SPINT1: variants seen among roughly 807,000 people sequenced by gnomAD.
SPINT1 encodes kunitz-type protease inhibitor 1.
Under a neutral mutation model 53.7 loss-of-function variants are expected in SPINT1, and 38 were observed. The observed-to-expected ratio is 0.71, with a 90% CI of 0.55 to 0.93. The LOEUF (loss-of-function observed/expected upper bound fraction) is 0.93. Among genes scored for constraint, SPINT1 ranks in the 40% least tolerant of loss-of-function variants. The pLI, the probability that SPINT1 is intolerant of heterozygous loss-of-function variation, is 0.00. For synonymous variants in SPINT1, 283 were observed against 280.6 expected (o/e 1.01, Z -0.08); for missense variants, 645 against 692.9 (o/e 0.93, Z 0.78).
rs769174851 is a variant in SPINT1 at position 40,844,478 on chromosome 15, CCTT to C, written c.-65-6_-65-4del. On this transcript the variant is annotated splice_polypyrimidine_tract_variant and intron_variant, in intron 1 of 10. Coordinates refer to ENST00000562057, the MANE Select transcript of SPINT1 (RefSeq NM_003710.4). This position sits in a 1 kb window ranked among gnomAD's most constrained non-coding sequence, Gnocchi z 5.8. ...GGTGTGTCTCCTCCTCTGTCCCCTC[CCTT>C]CTTCTCAGGTCACCAGCACCCTCGG... 7 of 1,419,158 alleles carry C rather than the reference CCTT, an allele frequency of 4.9e-6. No individual in the cohort carries two copies. Among genetic ancestry groups the C allele is most frequent in the African/African-American group, 1.4e-5 (1 of 70,626 alleles). The allele number at this position is 1,419,158 out of a possible 1,614,324, so 87.9% of individuals were successfully genotyped here. A position where few individuals can be genotyped will look rare whatever the true frequency, so the allele number is the denominator to read the frequency against.
chr15:40,845,346 T>C (rs1891261555), intron 2 of SPINT1, among the ~76,000 whole-genome samples: 1 of 139,050 alleles, frequency 7.2e-6, no homozygotes, highest in Non-Finnish European at 1.6e-5. Context: ...TTTTTTTTTT[T>C]TTTGGTACAG....
chr15:40,845,416 C>A (rs1891264294), intron 2 of SPINT1, among the ~76,000 whole-genome samples: 1 of 150,012 alleles, frequency 6.7e-6, no homozygotes, highest in African/African-American at 2.5e-5. Flanking sequence ...GTGATCCACC[C>A]ACCTTGGCCT....
At chr15:40,852,902 G>T (rs886728793) in intron 2 of SPINT1, among the ~76,000 whole-genome samples, 3 of 151,930 alleles carry the variant, frequency 2.0e-5, no homozygotes, top group Admixed American at 6.5e-5. Context: ...AAGAAAGTGG[G>T]TTACAACATA....
Position 40,856,151 on chromosome 15 carries a change from C to T in SPINT1, c.1288+89C>T, listed in dbSNP as rs149463227. ...GTCCCCAGGCCTTTGGGAGTCACCC[C>T]TCCATCCTCAGAGCGCCTGGAGTAG... is the stretch of plus-strand genomic sequence containing the variant. On this transcript the variant is annotated intron_variant, in intron 9 of 10. Coordinates refer to ENST00000562057, the MANE Select transcript of SPINT1 (RefSeq NM_003710.4). The T allele has an allele frequency of 1.2e-4, 188 of 1,592,932 alleles. 1 individual carries two copies. The East Asian group carries it at 4.2e-3, about 35-fold the overall frequency.
At position 40,853,612 on chromosome 15, in the gene SPINT1, A is replaced by C. The variant is rs1397366499; in HGVS notation, c.727A>C (p.Thr243Pro). 12 of 1,613,730 alleles carry C rather than the reference A, an allele frequency of 7.4e-6. No homozygotes were observed. The highest frequency in any genetic ancestry group is 1.0e-5 in the Non-Finnish European group (12 of 1,179,910). The change falls in exon 4 of 11, where the codon ACC becomes CCC. Residue 243 changes from threonine (T) to proline (P), a missense_variant. By Grantham distance (38) the Thr-to-Pro change is conservative. Coordinates refer to ENST00000562057, the MANE Select transcript of SPINT1 (RefSeq NM_003710.4). ...CAACGTCACAGTCACTGTGCTGTCC[A>C]CCAAGCAGACAGAAGGTGAGGGAGG... The part of the protein sequence containing the change: ...TANVTVTVLS[T>P]KQTEDYCLAS...
At chr15:40,855,833 G>T in intron 8 of SPINT1, 59 bp from the exon 9 acceptor site, 1 of 1,559,868 alleles carries the variant, frequency 6.4e-7, no homozygotes. Flanking sequence ...GTGGAGCCTA[G>T]CAGAAGGTGG....
At chr15:40,855,684 A>G in intron 8 of SPINT1, 1 of 497,864 alleles carries the variant, frequency 2.0e-6, no homozygotes, top group South Asian at 3.8e-5. Flanking sequence ...GAGTCGGCGT[A>G]GTTTACTTTT....
Position 40,856,770 on chromosome 15 carries a change from G to C in SPINT1, c.1337G>C (p.Gly446Ala), listed in dbSNP as rs752203791. 1 of 1,614,100 alleles carries C rather than the reference G, an allele frequency of 6.2e-7. No individual in the cohort carries two copies. Among genetic ancestry groups the C allele is most frequent in the South Asian group, 1.1e-5 (1 of 91,084 alleles). ...CTTATTCTACCCCTTCTTCCCCCAG[G>C]CTCTGTGGAGATGGCTGTCGCAGTG... Reference protein sequence around the residue: ...LRREIPIPSTGSVEMAVAVFL... With the variant: ...LRREIPIPSTASVEMAVAVFL... Residue 446 changes from glycine (G) to alanine (A), a missense_variant and splice_region_variant, in exon 11 of 11, where the codon GGC (glycine) becomes GCC (alanine). By Grantham distance (60) the Gly-to-Ala change is moderately conservative (BLOSUM62 0). Transcript: ENST00000562057.
intron 2 of SPINT1, among the ~76,000 whole-genome samples, chr15:40,849,829 G>A (rs1192430729): frequency 6.8e-6 from 1 of 147,298 alleles, no homozygotes; most frequent in East Asian, 2.0e-4. Flanking sequence ...GGTTTTGAAG[G>A]TACATCATGG....
Position 40,857,447 on chromosome 15 carries a change from G to A in SPINT1, c.*472G>A. On this transcript the variant is annotated 3_prime_UTR_variant, in exon 11 of 11. Coordinates refer to ENST00000562057, the MANE Select transcript of SPINT1 (RefSeq NM_003710.4). Reference sequence around the variant, plus strand: ...GTTTATTTAATGCTGTGGCATGGGTGAAGAGGAGGGGAAGAGGCCTGTTTG... The same window carrying A: ...GTTTATTTAATGCTGTGGCATGGGTAAAGAGGAGGGGAAGAGGCCTGTTTG... 6.4e-6 allele frequency: 1 copy of A among 157,346 alleles called. No individual in the cohort carries two copies. The allele number at this position is 157,346 out of a possible 1,614,324, so 9.7% of individuals were successfully genotyped here. A position where few individuals can be genotyped will look rare whatever the true frequency, so the allele number is the denominator to read the frequency against.
At chr15:40,848,688 T>C (rs1566853674) in intron 2 of SPINT1, among the ~76,000 whole-genome samples, 1 of 152,114 alleles carries the variant, frequency 6.6e-6, no homozygotes, top group Admixed American at 6.6e-5. Context: ...ATGAATATGA[T>C]ACAACAACAA....
In SPINT1 at chr15:40,854,645, G is replaced by A. The variant is rs758738308; in HGVS notation, c.1073G>A (p.Ser358Asn). 3 of 1,614,214 alleles carry A rather than the reference G, an allele frequency of 1.9e-6. No homozygotes were observed. The South Asian group carries it at 3.3e-5, about 18-fold the overall frequency. ...SDEAACEKYT[S>N]GFDELQRIHF... ...TGACCTTTCCTCTCTGCAGACACGA[G>A]TGGCTTTGACGAGCTCCAGCGCATC... The change falls in exon 8 of 11, where the codon AGT becomes AAT. Residue 358 changes from serine to asparagine, a missense_variant. Transcript: ENST00000562057.
intron 2 of SPINT1, among the ~76,000 whole-genome samples, chr15:40,850,270 C>T (rs1891419041): frequency 6.6e-6 from 1 of 152,128 alleles, no homozygotes; most frequent in African/African-American, 2.4e-5. Context: ...TGGAGTTTCT[C>T]CATGTTGGTC....
At chr15:40,856,451 C>T (rs1410973539) in intron 10 of SPINT1, 128 bp downstream of exon 10, 7 of 1,221,126 alleles carry the variant, frequency 5.7e-6, no homozygotes, top group Middle Eastern at 1.9e-4. Context: ...GACAGAGTAC[C>T]GTAATCAAAT....
At chr15:40,854,570 T>C (rs1174079940) in intron 7 of SPINT1, 48 bp downstream of exon 7, 1 of 1,613,826 alleles carries the variant, frequency 6.2e-7, no homozygotes, top group Admixed American at 1.7e-5. Context: ...AGGGAGGTCC[T>C]GACAGCCTTG....
rs777322435 is a variant in SPINT1, at chr15:40,854,390, C to T, written c.941-7C>T. On this transcript the variant is annotated splice_region_variant and splice_polypyrimidine_tract_variant and intron_variant, in intron 6 of 10. Coordinates refer to ENST00000562057, the MANE Select transcript of SPINT1 (RefSeq NM_003710.4). ...GCTTGAGCCTGACCTCCCTTCCACC[C>T]GTCCAGTGTGCTCTGGCACCTGTCA... 1.0e-5 allele frequency: 16 copies of T among 1,555,966 alleles called. No homozygotes were observed. Among genetic ancestry groups the T allele is most frequent in the African/African-American group, 4.1e-5 (3 of 72,802 alleles).
rs1277452231 is a variant in SPINT1 at position 40,855,958 on chromosome 15, C to T, written c.1184C>T (p.Pro395Leu). The part of the protein sequence containing the change: ...KESIPRWYYN[P>L]FSEHCARFTY... ...AGCATCCCGCGCTGGTACTACAACC[C>T]CTTCAGCGAACACTGCGCCCGCTTT... Residue 395 changes from proline to leucine, a missense_variant, in exon 9 of 11, where the codon CCC becomes CTC. Coordinates refer to ENST00000562057, the MANE Select transcript of SPINT1 (RefSeq NM_003710.4). 1 of 1,614,116 alleles carries T rather than the reference C, an allele frequency of 6.2e-7. No homozygotes were observed. The highest frequency in any genetic ancestry group is 8.5e-7 in the Non-Finnish European group (1 of 1,180,054).
chr15:40,854,061 C>A lies in SPINT1; in HGVS notation c.915C>A (p.Gly305=). 6.4e-7 allele frequency: 1 copy of A among 1,551,682 alleles called. No individual in the cohort carries two copies. The highest frequency in any genetic ancestry group is 8.7e-7 in the Non-Finnish European group (1 of 1,150,978). Residue 305 remains glycine, a splice_region_variant and synonymous_variant, in exon 6 of 11, where the codon GGC becomes GGA. Transcript: ENST00000562057. ...CTCATTCTCTGTTCTCTCTCCCAGG[C>A]CCCTCCATGGAAAGGCGCCATCCAG... ...ECILACRGVQ[G]PSMERRHPVC...
chr15:40,844,593 C>A lies in SPINT1; in HGVS notation c.39C>A (p.Ala13=), dbSNP rs773925092. The change falls in exon 2 of 11, where the codon GCC becomes GCA. Residue 13 remains alanine, a synonymous_variant. Transcript: ENST00000562057. This position sits in a 1 kb window ranked among gnomAD's most constrained non-coding sequence, Gnocchi z 5.8. ...PARTMARARL[A]PAGIPAVALW... Reference sequence around the variant, plus strand: ...GGACGATGGCCCGCGCCCGCCTCGCCCCGGCCGGCATCCCTGCCGTCGCCT... The same window carrying A: ...GGACGATGGCCCGCGCCCGCCTCGCACCGGCCGGCATCCCTGCCGTCGCCT... 3.7e-6 allele frequency: 6 copies of A among 1,609,934 alleles called. No individual in the cohort carries two copies. The South Asian group carries it at 6.6e-5, about 18-fold the overall frequency.
Sources: allele counts gnomAD v4.1 joint callset (sites outside exome capture counted in the v4.1 genomes callset), GRCh38; gene constraint gnomAD v4.1.1; non-coding constraint Gnocchi (gnomAD v3.1); transcripts MANE v1.5; gene names NCBI Gene and HGNC (gene_info 2026-07-23, HGNC 2026-07-21).